DEK: variants seen among roughly 807,000 people sequenced by gnomAD.
DEK encodes the protein protein DEK.
Under a neutral mutation model 46.8 loss-of-function variants are expected in DEK, and 28 were observed. That is an observed-to-expected ratio of 0.60 (90% CI 0.44 to 0.82). The LOEUF (loss-of-function observed/expected upper bound fraction) is 0.82. DEK is among the 40% of genes least tolerant of loss of function. The pLI, the probability that DEK is intolerant of heterozygous loss-of-function variation, is 0.00. For synonymous variants in DEK, 160 were observed against 144.5 expected (o/e 1.11, Z -0.77); for missense variants, 416 against 430.6 (o/e 0.97, Z 0.30).
intron 7 of DEK, 61 bp from the exon 8 acceptor site, chr6:18,237,577 C>G: frequency 3.3e-6 from 5 of 1,520,838 alleles, no homozygotes. Flanking sequence ...CCCATCCCAT[C>G]CCTCTACTTC....
At chr6:18,261,216 C>G (rs939534706) in intron 2 of DEK, among the ~76,000 whole-genome samples, 8 of 152,062 alleles carry the variant, frequency 5.3e-5, no homozygotes, top group Non-Finnish European at 1.2e-4. Flanking sequence ...GCTCTGGATG[C>G]CAGACATGCA....
chr6:18,232,684 A>G (rs1309127218), intron 9 of DEK, among the ~76,000 whole-genome samples: 3 of 152,230 alleles, frequency 2.0e-5, no homozygotes, highest in Non-Finnish European at 4.4e-5. Flanking sequence ...AAGGAGAACT[A>G]CAAGCCACTA....
rs60332682 is a variant in DEK, at chr6:18,237,860, CTTTTTTTTTT to C, written c.763-354_763-345del. 2.0e-4 allele frequency among the ~76,000 whole-genome samples: 18 copies of C among 88,500 alleles called. No individual in the cohort carries two copies. In the East Asian group the frequency reaches 3.9e-3, roughly 19 times the overall value. 58.1% of individuals were successfully genotyped at this position (88,500 alleles called of 152,430 possible). On this transcript the variant is annotated intron_variant, in intron 7 of 10. Coordinates refer to ENST00000652689, the MANE Select transcript of DEK (RefSeq NM_003472.4). ...ATGTTCTCTCTCTTTCAACTGGAAT[CTTTTTTTTTT>C]TTTTTTTTTTTTTTGAGACAGAGTC...
chr6:18,237,998 A>G lies in DEK; in HGVS notation c.763-482T>C, dbSNP rs565328808. On this transcript the variant is annotated intron_variant, in intron 7 of 10. Transcript: ENST00000652689. ...ATTCTCCTGTCTCTGCCTCCCTAGT[A>G]GCTGGGATTACAGGTGCTCGCCACC... Among the ~76,000 whole-genome samples, 264 of 150,534 alleles carry G rather than the reference A, an allele frequency of 1.8e-3. 1 individual carries two copies. The highest frequency in any genetic ancestry group is 1.5e-3 in the Non-Finnish European group (99 of 67,836).
chr6:18,240,495 G>A (rs1427426568), intron 7 of DEK, among the ~76,000 whole-genome samples: 1 of 152,160 alleles, frequency 6.6e-6, no homozygotes, highest in African/African-American at 2.4e-5. Context: ...TAGTTCCTAT[G>A]GTTTTATGGG....
At chr6:18,248,628 G>C (rs1340956451) in intron 7 of DEK, among the ~76,000 whole-genome samples, 1 of 151,816 alleles carries the variant, frequency 6.6e-6, no homozygotes, top group Non-Finnish European at 1.5e-5. Context: ...TATAAAATTT[G>C]ACGCTAAAAC....
At chr6:18,248,373 A>G (rs1307546361) in intron 7 of DEK, among the ~76,000 whole-genome samples, 5 of 152,336 alleles carry the variant, frequency 3.3e-5, no homozygotes, top group African/African-American at 1.2e-4. Flanking sequence ...TGAATGGCAC[A>G]CAGTAGACAC....
chr6:18,256,521 G>A, intron 4 of DEK, 66 bp from the exon 5 acceptor site: 1 of 1,371,642 alleles, frequency 7.3e-7, no homozygotes, highest in Non-Finnish European at 1.0e-6. Flanking sequence ...TAAATTCAAA[G>A]CCAATTCAAA....
At chr6:18,264,086 C>A (rs1433485418) in intron 1 of DEK, 90 bp from the exon 2 acceptor site, 3 of 1,215,856 alleles carry the variant, frequency 2.5e-6, no homozygotes, top group Non-Finnish European at 3.3e-6. Flanking sequence ...ACCCTTCCCG[C>A]GGGACACCTG....
Position 18,225,669 on chromosome 6 carries a change from A to C in DEK, c.*50T>G. ...TTCTCTTTGCTGGTATAATGGTATAAATCAGATCTTCAAATCTATGGGAAC... is the reference window on the plus strand; with the variant it reads ...TTCTCTTTGCTGGTATAATGGTATACATCAGATCTTCAAATCTATGGGAAC... On this transcript the variant is annotated 3_prime_UTR_variant, in exon 11 of 11. Transcript: ENST00000652689. The C allele has an allele frequency of 6.2e-7, 1 of 1,601,696 alleles. No homozygotes were observed. The highest frequency in any genetic ancestry group is 8.5e-7 in the Non-Finnish European group (1 of 1,171,104).
At chr6:18,233,618 C>G (rs1790507254) in intron 9 of DEK, among the ~76,000 whole-genome samples, 1 of 152,188 alleles carries the variant, frequency 6.6e-6, no homozygotes, top group Middle Eastern at 3.2e-3. Flanking sequence ...CACTGGCCAT[C>G]AGAGAAATGA....
chr6:18,264,422 C>G lies in DEK; in HGVS notation c.-47G>C, dbSNP rs748938033. Reference sequence around the variant, plus strand: ...CCGCCGCGGGCCTGGCACGCGAGGGCACGAGGAGGTTCTGGGAGGCGGCGG... The same window carrying G: ...CCGCCGCGGGCCTGGCACGCGAGGGGACGAGGAGGTTCTGGGAGGCGGCGG... On this transcript the variant is annotated 5_prime_UTR_variant, in exon 1 of 11. Coordinates refer to ENST00000652689, the MANE Select transcript of DEK (RefSeq NM_003472.4). 1 of 270,164 alleles carries G rather than the reference C, an allele frequency of 3.7e-6. No homozygotes were observed. Among genetic ancestry groups the G allele is most frequent in the African/African-American group, 2.3e-5 (1 of 43,654 alleles). The allele number at this position is 270,164 out of a possible 1,614,324, so 16.7% of individuals were successfully genotyped here. A position where few individuals can be genotyped will look rare whatever the true frequency, so the allele number is the denominator to read the frequency against.
At chr6:18,252,258 C>G (rs568834128) in intron 6 of DEK, among the ~76,000 whole-genome samples, 1 of 151,890 alleles carries the variant, frequency 6.6e-6, no homozygotes, top group Non-Finnish European at 1.5e-5. Flanking sequence ...GCCTGTAATC[C>G]CAACACTTTG....
chr6:18,259,112 C>T (rs879303771), intron 2 of DEK, among the ~76,000 whole-genome samples: 7 of 151,838 alleles, frequency 4.6e-5, no homozygotes, highest in Non-Finnish European at 8.8e-5. Flanking sequence ...GGGCGGATAA[C>T]GAGGTCAGGA....
At chr6:18,264,353 C>A in intron 1 of DEK, 32 bp downstream of exon 1, 1 of 176,486 alleles carries the variant, frequency 5.7e-6, no homozygotes. Flanking sequence ...GCAGGGGCGA[C>A]CGGGCCTCCG....
At chr6:18,244,874 T>C (rs1003253766) in intron 7 of DEK, among the ~76,000 whole-genome samples, 1 of 152,228 alleles carries the variant, frequency 6.6e-6, no homozygotes, top group Non-Finnish European at 1.5e-5. Flanking sequence ...TAAAACACAA[T>C]GTGAAAGGAC....
At chr6:18,256,653 A>T (rs1448733119) in intron 4 of DEK, among the ~76,000 whole-genome samples, 198 bp from the exon 5 acceptor site, 1 of 152,242 alleles carries the variant, frequency 6.6e-6, no homozygotes, top group East Asian at 1.9e-4. Flanking sequence ...ATTTGTCATT[A>T]ACATATTAAC....
At chr6:18,233,286 C>T (rs1361176051) in intron 9 of DEK, among the ~76,000 whole-genome samples, 1 of 152,116 alleles carries the variant, frequency 6.6e-6, no homozygotes, top group Admixed American at 6.5e-5. Context: ...AGGACATAGG[C>T]ATGGGCAAGG....
At chr6:18,260,904 T>A (rs1432801830) in intron 2 of DEK, among the ~76,000 whole-genome samples, 1 of 150,376 alleles carries the variant, frequency 6.6e-6, no homozygotes, top group Non-Finnish European at 1.5e-5. Flanking sequence ...GAGGATTGCT[T>A]GAGCCTGGGA....
Sources: gnomAD v4.1 joint callset for allele counts (sites outside exome capture counted in the v4.1 genomes callset) on GRCh38, gnomAD v4.1.1 for gene constraint, MANE v1.5 for transcripts, NCBI Gene and HGNC (gene_info 2026-07-23, HGNC 2026-07-21) for gene names.